SNAPC3: variants seen among roughly 807,000 people sequenced by gnomAD.
SNAPC3 encodes the protein small nuclear RNA activating complex polypeptide 3, also known as snRNA-activating protein complex subunit 3.
Under a neutral mutation model 47.7 loss-of-function variants are expected in SNAPC3, and 56 were observed. The observed-to-expected ratio is 1.18, with a 90% confidence interval of 0.95 to 1.47. The LOEUF is 1.47. Among genes scored for constraint, SNAPC3 ranks in the 40% most tolerant of loss-of-function variants. The pLI is 0.00. For synonymous variants in SNAPC3, 235 were observed against 189.9 expected, an observed-to-expected ratio of 1.24 and a Z score of -1.95; for missense variants, 665 against 511.3, an observed-to-expected ratio of 1.30 and a Z score of -2.90.
intron 2 of SNAPC3, among the ~76,000 whole-genome samples, chr9:15,430,922 C>G (rs1288388455): frequency 2.0e-5 from 3 of 152,166 alleles, no homozygotes; most frequent in Non-Finnish European, 2.9e-5. Context: ...TGGCTCTCAT[C>G]TTCAAATTTA....
intron 6 of SNAPC3, 25 bp from the exon 7 acceptor site, chr9:15,453,016 A>G: frequency 1.9e-6 from 3 of 1,571,488 alleles, no homozygotes; most frequent in South Asian, 1.2e-5. Flanking sequence ...GAAAAATGAT[A>G]TATCCTTGCC....
chr9:15,462,106 A>G (rs2035263551), downstream of SNAPC3: 1 of 152,212 alleles, frequency 6.6e-6, no homozygotes, highest in Non-Finnish European at 1.5e-5. Context: ...TACTCTCAAA[A>G]CACCAAACTT....
At chr9:15,437,188 C>G (rs1182295588) in intron 3 of SNAPC3, among the ~76,000 whole-genome samples, 2 of 151,660 alleles carry the variant, frequency 1.3e-5, no homozygotes, top group African/African-American at 2.4e-5. Flanking sequence ...AAATTTATCC[C>G]TAAATATTTT....
At chr9:15,462,055 C>G (rs902677994), downstream of SNAPC3, 19 of 152,166 alleles carry the variant, frequency 1.2e-4, 1 homozygote, top group African/African-American at 4.6e-4. Context: ...ATAGGTCTTA[C>G]ATGCATATGC....
intron 3 of SNAPC3, among the ~76,000 whole-genome samples, chr9:15,440,823 T>G (rs1313661203): frequency 6.6e-6 from 1 of 151,854 alleles, no homozygotes; most frequent in Admixed American, 6.6e-5. Context: ...GTGGCGAGTG[T>G]CTGTAGTCCC....
intron 5 of SNAPC3, among the ~76,000 whole-genome samples, chr9:15,450,275 G>C (rs1056061232): frequency 1.3e-5 from 2 of 152,134 alleles, no homozygotes; most frequent in Non-Finnish European, 2.9e-5. Flanking sequence ...AAACAACATA[G>C]CCAGTCTTGC....
chr9:15,453,067 A>G lies in SNAPC3; in HGVS notation c.842A>G (p.His281Arg). Residue 281 changes from histidine (H) to arginine (R), a missense_variant, in exon 7 of 9, where the codon CAT becomes CGT. By Grantham distance (29) the His-to-Arg change is conservative. Coordinates refer to ENST00000380821, the MANE Select transcript of SNAPC3 (RefSeq NM_001039697.2). Reference sequence around the variant, plus strand: ...ACTATCATTGAGTGGTCAGAGTCCCATGATAGAGGCTATGGAAAGTTTCAG... The same window carrying G: ...ACTATCATTGAGTGGTCAGAGTCCCGTGATAGAGGCTATGGAAAGTTTCAG... ...SRTIIEWSES[H>R]DRGYGKFQTA... is the part of the protein sequence containing the mutation. 6.2e-7 allele frequency: 1 copy of G among 1,613,664 alleles called. No individual in the cohort carries two copies. Among genetic ancestry groups the G allele is most frequent in the Non-Finnish European group, 8.5e-7 (1 of 1,179,680 alleles).
chr9:15,424,026 A>AT lies in SNAPC3; in HGVS notation c.392+46dup, dbSNP rs552658942. The AT allele has an allele frequency of 9.4e-5, 112 of 1,189,478 alleles. 1 individual carries two copies. In the South Asian group the frequency reaches 1.4e-3, roughly 15 times the overall value. The allele number at this position is 1,189,478 out of a possible 1,614,324, so 73.7% of individuals were successfully genotyped here. The stretch of plus-strand genomic sequence containing the variant: ...GTTTTTATGACCTATTTATTTAAAC[A>AT]TTTTTTCAACATTATGTTTTGAAAA... On this transcript the variant is annotated intron_variant, in intron 2 of 8. Coordinates refer to ENST00000380821, the MANE Select transcript of SNAPC3 (RefSeq NM_001039697.2).
chr9:15,448,742 T>C (rs1222554349), intron 5 of SNAPC3, among the ~76,000 whole-genome samples: 1 of 152,216 alleles, frequency 6.6e-6, no homozygotes, highest in Non-Finnish European at 1.5e-5. Context: ...TCAGTGCTTT[T>C]GGAGAGAAAC....
intron 3 of SNAPC3, among the ~76,000 whole-genome samples, chr9:15,436,051 C>G (rs2032772354): frequency 6.6e-6 from 1 of 152,036 alleles, no homozygotes; most frequent in African/African-American, 2.4e-5. Context: ...ACCATGTTGG[C>G]TAGGATGGTC....
At chr9:15,440,239 C>T (rs1354936337) in intron 3 of SNAPC3, among the ~76,000 whole-genome samples, 1 of 152,168 alleles carries the variant, frequency 6.6e-6, no homozygotes, top group African/African-American at 2.4e-5. Context: ...ATACTGGCTT[C>T]TATATTTACC....
chr9:15,444,616 A>C lies in SNAPC3; in HGVS notation c.492A>C (p.Ile164=). 1.2e-6 allele frequency: 2 copies of C among 1,609,198 alleles called. No individual in the cohort carries two copies. The highest frequency in any genetic ancestry group is 2.7e-5 in the African/African-American group (2 of 74,908). ...TFVYEMESHA[I]GKKPENSADM... is the part of the protein sequence containing the mutation. Reference sequence around the variant, plus strand: ...TCTTTCTTCAGGAGTCACATGCCATAGGAAAAAAGCCTGAAAATTCAGCAG... The same window carrying C: ...TCTTTCTTCAGGAGTCACATGCCATCGGAAAAAAGCCTGAAAATTCAGCAG... The change falls in exon 4 of 9, where the codon ATA becomes ATC. Residue 164 remains isoleucine (I), a synonymous_variant. Coordinates refer to ENST00000380821, the MANE Select transcript of SNAPC3 (RefSeq NM_001039697.2).
downstream of SNAPC3, chr9:15,463,537 C>G (rs1406567616): frequency 2.6e-5 from 4 of 150,974 alleles, no homozygotes; most frequent in Non-Finnish European, 5.9e-5. Context: ...GGTTATCTAT[C>G]TCAAAATTAC....
chr9:15,431,031 A>G (rs755478995), intron 2 of SNAPC3, among the ~76,000 whole-genome samples: 2 of 152,168 alleles, frequency 1.3e-5, no homozygotes, highest in Non-Finnish European at 2.9e-5. Flanking sequence ...AGGGCAATGG[A>G]GAGACTTCTC....
chr9:15,464,823 AC>A (rs2035501818), downstream of SNAPC3: 1 of 208,448 alleles, frequency 4.8e-6, no homozygotes, highest in South Asian at 1.9e-4. Flanking sequence ...AAGTCCTAAG[AC>A]TTCACTGAAT....
chr9:15,431,349 G>T (rs2032120920), intron 2 of SNAPC3, among the ~76,000 whole-genome samples: 1 of 152,170 alleles, frequency 6.6e-6, no homozygotes, highest in Non-Finnish European at 1.5e-5. Flanking sequence ...AGCCCTAGGG[G>T]TAGGGTGCTC....
At chr9:15,439,201 G>A (rs2033101512) in intron 3 of SNAPC3, among the ~76,000 whole-genome samples, 1 of 152,144 alleles carries the variant, frequency 6.6e-6, no homozygotes, top group South Asian at 2.1e-4. Context: ...TGTAGAGATG[G>A]CGTTTTGCCG....
At chr9:15,446,794 C>T (rs1476424351) in intron 4 of SNAPC3, among the ~76,000 whole-genome samples, 1 of 152,106 alleles carries the variant, frequency 6.6e-6, no homozygotes, top group Non-Finnish European at 1.5e-5. Context: ...GGGGCTGTCC[C>T]TTGTAGCCTG....
In SNAPC3 at chr9:15,423,925, T is replaced by C. The variant is rs934766216; in HGVS notation, c.331T>C (p.Cys111Arg). The C allele has an allele frequency of 1.3e-6, 2 of 1,575,846 alleles. No homozygotes were observed. Among genetic ancestry groups the C allele is most frequent in the African/African-American group, 1.4e-5 (1 of 73,034 alleles). The change falls in exon 2 of 9, where the codon TGC (cysteine) becomes CGC (arginine). Residue 111 changes from cysteine to arginine, a missense_variant. Coordinates refer to ENST00000380821, the MANE Select transcript of SNAPC3 (RefSeq NM_001039697.2). ...TTGTTTTAGCCTTGATAAACTGAAA[T>C]GCCTTGAGGACGGTGAGGATCCAGA... ...RAVCGLDKLKCLEDGEDPEVI... is the reference protein window; with the variant it reads ...RAVCGLDKLKRLEDGEDPEVI...
Sources: gnomAD v4.1 joint callset for allele counts (sites outside exome capture counted in the v4.1 genomes callset) on GRCh38, gnomAD v4.1.1 for gene constraint, MANE v1.5 for transcripts, NCBI Gene and HGNC (gene_info 2026-07-23, HGNC 2026-07-21) for gene names.